The following NUGGC variants were observed in gnomAD, a reference collection of about 807,000 sequenced individuals.
NUGGC encodes the protein nuclear GTPase, germinal center associated, also known as nuclear GTPase SLIP-GC.
In NUGGC, 58 loss-of-function variants were observed where a neutral mutation model predicts 92.6. The ratio of observed to expected loss-of-function variants is 0.63; its 90% CI spans 0.51 to 0.78. NUGGC has a LOEUF of 0.78. Among genes scored for constraint, NUGGC ranks in the 30% least tolerant of loss-of-function variants. The probability of loss-of-function intolerance (pLI) is 0.00; values close to 1 mark genes in which losing one functional copy is unlikely to be tolerated. For missense variants in NUGGC, 925 were observed against 964.6 expected (o/e 0.96, Z 0.54); for synonymous variants, 376 against 366.4 (o/e 1.03, Z -0.30).
intron 7 of NUGGC, among the ~76,000 whole-genome samples, chr8:28,062,526 A>G (rs376095302): frequency 6.6e-6 from 1 of 152,162 alleles, no homozygotes; most frequent in African/African-American, 2.4e-5. Context: ...CTGGGACAGC[A>G]GGATTGCTCA....
intron 18 of NUGGC, among the ~76,000 whole-genome samples, chr8:28,025,323 C>T (rs73669169): frequency 0.024 from 3,675 of 152,308 alleles, 146 homozygotes; most frequent in African/African-American, 0.084. Context: ...TGTATATTTG[C>T]TGTCGATGGT....
At chr8:28,028,747 A>T (rs1048601604) in intron 17 of NUGGC, among the ~76,000 whole-genome samples, 8 of 152,198 alleles carry the variant, frequency 5.3e-5, no homozygotes, top group African/African-American at 1.9e-4. Flanking sequence ...ATTAAAGCTG[A>T]ATGTGTGCTG....
Position 28,023,168 on chromosome 8 carries a change from T to C in NUGGC, c.*149A>G, listed in dbSNP as rs1441697609. ...CTGGAGGATCGCTTGAGCCTAGGAG[T>C]TCGAGGCTGCAGTGAGCTGTGATGG... On this transcript the variant is annotated 3_prime_UTR_variant, in exon 19 of 19. Coordinates refer to ENST00000413272, the MANE Select transcript of NUGGC (RefSeq NM_001010906.2). 9 of 805,976 alleles carry C rather than the reference T, an allele frequency of 1.1e-5. No individual in the cohort carries two copies. The highest frequency in any genetic ancestry group is 3.0e-5 in the Admixed American group (1 of 32,866). 49.9% of individuals were successfully genotyped at this position (805,976 alleles called of 1,614,324 possible).
intron 2 of NUGGC, among the ~76,000 whole-genome samples, chr8:28,073,891 T>A (rs1406450513): frequency 6.6e-6 from 1 of 152,090 alleles, no homozygotes; most frequent in African/African-American, 2.4e-5. Flanking sequence ...CTCCGCCTCC[T>A]GGGTTCAAGT....
At chr8:28,068,538 G>A (rs998500694) in intron 4 of NUGGC, 100 bp from the exon 5 acceptor site, 10 of 775,108 alleles carry the variant, frequency 1.3e-5, no homozygotes, top group African/African-American at 3.4e-5. Context: ...TCCCGGGCAC[G>A]TCACTACAAC....
At chr8:28,038,867 T>C (rs925048032) in intron 13 of NUGGC, among the ~76,000 whole-genome samples, 8 of 152,142 alleles carry the variant, frequency 5.3e-5, no homozygotes, top group African/African-American at 1.9e-4. Flanking sequence ...TTAGTCTCTC[T>C]AAGGCTGTAA....
intron 1 of NUGGC, among the ~76,000 whole-genome samples, chr8:28,080,589 G>A (rs2130297660): frequency 6.6e-6 from 1 of 152,156 alleles, no homozygotes; most frequent in Middle Eastern, 3.4e-3. Context: ...TACACAGCAA[G>A]CACTAAATAA....
chr8:28,029,210 C>T (rs1178341207), intron 17 of NUGGC, 56 bp downstream of exon 17: 30 of 1,560,016 alleles, frequency 1.9e-5, no homozygotes, highest in Non-Finnish European at 2.4e-5. Context: ...CACTCGCTTC[C>T]TCTCCTCCCC....
At chr8:28,062,496 AG>A (rs1407270477) in intron 7 of NUGGC, among the ~76,000 whole-genome samples, 1 of 151,940 alleles carries the variant, frequency 6.6e-6, no homozygotes, top group Non-Finnish European at 1.5e-5. Flanking sequence ...GTGCACCTGT[AG>A]CCCCAGCTAC....
In NUGGC at chr8:28,070,332, C is replaced by G. The variant is rs6998705; in HGVS notation, c.68G>C (p.Arg23Pro). 1,531,693 of 1,541,170 alleles carry G rather than the reference C, an allele frequency of 0.99. 761,619 individuals are homozygous for G. The highest frequency in any genetic ancestry group is 1 in the East Asian group (40,974 of 40,974). ...HPVEDDLYKE[R>P]TRKRRKSDRD... The stretch of plus-strand genomic sequence containing the variant: ...ATCTGATTTCCTTCTTTTTCTCGTT[C>G]GTTCTTTATATAAATCATCTTCAAC... Residue 23 changes from arginine to proline, a missense_variant, in exon 3 of 19, where the codon CGA becomes CCA. Physicochemically the swap from Arg to Pro is moderately radical, Grantham distance 103 (BLOSUM62 -2). Coordinates refer to ENST00000413272, the MANE Select transcript of NUGGC (RefSeq NM_001010906.2).
chr8:28,033,886 C>G (rs1048240514), intron 13 of NUGGC, among the ~76,000 whole-genome samples, 189 bp from the exon 14 acceptor site: 1 of 152,150 alleles, frequency 6.6e-6, no homozygotes, highest in Admixed American at 6.5e-5. Flanking sequence ...GTCTGGGTGC[C>G]CCTGCCATGG....
At chr8:28,062,323 A>AGCTTTGG (rs1436548881) in intron 7 of NUGGC, among the ~76,000 whole-genome samples, 1 of 152,190 alleles carries the variant, frequency 6.6e-6, no homozygotes, top group African/African-American at 2.4e-5. Flanking sequence ...AACTTAGAAA[A>AGCTTTGG]GCTTTGGGCT....
chr8:28,035,079 T>C (rs1339032374), intron 13 of NUGGC, among the ~76,000 whole-genome samples: 3 of 152,130 alleles, frequency 2.0e-5, no homozygotes, highest in African/African-American at 7.2e-5. Flanking sequence ...GGACAGTTGA[T>C]GGGGTAAAGT....
At chr8:28,079,035 T>A (rs1191500744) in intron 1 of NUGGC, among the ~76,000 whole-genome samples, 4 of 152,234 alleles carry the variant, frequency 2.6e-5, no homozygotes, top group African/African-American at 9.6e-5. Context: ...ATCTTTTAAA[T>A]AAGACTGTGC....
Position 28,022,897 on chromosome 8 carries a change from C to A in NUGGC, c.*420G>T, listed in dbSNP as rs184301323. The stretch of plus-strand genomic sequence containing the variant: ...ACCAGCCTGGCCAAGATGATGAAAC[C>A]CCGTCTCTACTAAAAATATAAAAAT... On this transcript the variant is annotated 3_prime_UTR_variant, in exon 19 of 19. Coordinates refer to ENST00000413272, the MANE Select transcript of NUGGC (RefSeq NM_001010906.2). 856 of 155,538 alleles carry A rather than the reference C, an allele frequency of 5.5e-3. 5 individuals are homozygous for A. Among genetic ancestry groups the A allele is most frequent in the Non-Finnish European group, 9.4e-3 (657 of 70,018 alleles). 9.6% of individuals were successfully genotyped at this position (155,538 alleles called of 1,614,324 possible).
chr8:28,042,320 C>T (rs928501162), intron 12 of NUGGC, among the ~76,000 whole-genome samples: 1 of 152,188 alleles, frequency 6.6e-6, no homozygotes, highest in Non-Finnish European at 1.5e-5. Context: ...GTCAGAGCCA[C>T]ACTCCCCAGC....
chr8:28,052,409 T>A (rs969148734), intron 10 of NUGGC, among the ~76,000 whole-genome samples: 4 of 152,022 alleles, frequency 2.6e-5, no homozygotes, highest in Non-Finnish European at 5.9e-5. Context: ...ATTGGGTCAT[T>A]GAGGATGAAA....
chr8:28,045,696 G>A (rs1280382633), intron 11 of NUGGC, 36 bp from the exon 12 acceptor site: 1 of 1,598,752 alleles, frequency 6.3e-7, no homozygotes, highest in Non-Finnish European at 8.5e-7. Context: ...ATTGTTAAAG[G>A]CCAGAAGTTT....
At chr8:28,028,123 T>C (rs1809316062) in intron 17 of NUGGC, among the ~76,000 whole-genome samples, 2 of 152,134 alleles carry the variant, frequency 1.3e-5, no homozygotes, top group African/African-American at 4.8e-5. Context: ...TTTAACTTCC[T>C]ATGTTTCTGT....
Sources: allele counts gnomAD v4.1 joint callset (sites outside exome capture counted in the v4.1 genomes callset), GRCh38; gene constraint gnomAD v4.1.1; transcripts MANE v1.5; gene names NCBI Gene and HGNC (gene_info 2026-07-23, HGNC 2026-07-21).